The following GGT7 variants were observed in gnomAD, a reference collection of about 807,000 sequenced individuals.
GGT7 encodes glutathione hydrolase 7.
GGT7 carries 30 observed loss-of-function variants against 69.2 expected under a neutral mutation model. The observed-to-expected ratio is 0.43, with a 90% CI of 0.32 to 0.59. GGT7 has a LOEUF of 0.59. GGT7 is among the 20% of genes least tolerant of loss of function. The pLI is 0.05. For missense variants in GGT7, 733 were observed against 901.1 expected, an observed-to-expected ratio of 0.81 and a Z score of 2.39; for synonymous variants, 388 against 391.8, an observed-to-expected ratio of 0.99 and a Z score of 0.12.
chr20:34,851,164 G>A lies in GGT7; in HGVS notation c.1725+67C>T, dbSNP rs114477173. 1,060 of 1,574,546 alleles carry A rather than the reference G, an allele frequency of 6.7e-4. 11 individuals are homozygous for A. The African/African-American group carries it at 0.013, about 20-fold the overall frequency. The stretch of plus-strand genomic sequence containing the variant: ...ATGGAAACAAGCCACAGATATGACA[G>A]GCATCTGCAGTCTAGGCCACAGCTT... On this transcript the variant is annotated intron_variant, in intron 13 of 14. Coordinates refer to ENST00000336431, the MANE Select transcript of GGT7 (RefSeq NM_178026.3).
chr20:34,851,911 C>T (rs1255179532), intron 12 of GGT7, among the ~76,000 whole-genome samples: 1 of 152,134 alleles, frequency 6.6e-6, no homozygotes, highest in Admixed American at 6.5e-5. Context: ...AGAAATTGCC[C>T]AGAGAGGGCA....
intron 4 of GGT7, 32 bp downstream of exon 4, chr20:34,861,413 C>T (rs777121977): frequency 2.7e-6 from 3 of 1,129,756 alleles, no homozygotes; most frequent in Non-Finnish European, 3.9e-6. Context: ...GAGAGACTCC[C>T]CTGAACTCTC....
chr20:34,867,505 G>T (rs2079711445), intron 1 of GGT7, among the ~76,000 whole-genome samples: 1 of 151,984 alleles, frequency 6.6e-6, no homozygotes, highest in African/African-American at 2.4e-5. Flanking sequence ...TTGAGCCCAG[G>T]TATTCAAGAC....
At position 34,845,026 on chromosome 20, in the gene GGT7, T is replaced by C. The variant is rs1370457875; in HGVS notation, c.*302A>G. On this transcript the variant is annotated 3_prime_UTR_variant, in exon 15 of 15. Transcript: ENST00000336431. ...CACATCCCTAAGCTCGGGGCCAGCA[T>C]GGCTGAAGGAGGAGAGGTGACACAC... 3 of 387,876 alleles carry C rather than the reference T, an allele frequency of 7.7e-6. No homozygotes were observed. Among genetic ancestry groups the C allele is most frequent in the East Asian group, 9.5e-5 (2 of 20,952 alleles). 24.0% of individuals were successfully genotyped at this position (387,876 alleles called of 1,614,324 possible).
intron 10 of GGT7, among the ~76,000 whole-genome samples, chr20:34,853,793 C>G (rs747475566): frequency 2.0e-5 from 3 of 152,190 alleles, no homozygotes; most frequent in Non-Finnish European, 4.4e-5. Flanking sequence ...AGAGTTTAAA[C>G]CACTTGCCCA....
chr20:34,862,430 G>C (rs2079612584), intron 3 of GGT7, among the ~76,000 whole-genome samples: 1 of 149,242 alleles, frequency 6.7e-6, no homozygotes, highest in African/African-American at 2.6e-5. Flanking sequence ...TCTTAGTGCA[G>C]GGTGTATTTT....
intron 7 of GGT7, among the ~76,000 whole-genome samples, chr20:34,858,934 G>A (rs2079537165): frequency 1.3e-5 from 2 of 152,210 alleles, no homozygotes; most frequent in Non-Finnish European, 2.9e-5. Flanking sequence ...ACTTTGGGAG[G>A]CCAGGACAGG....
intron 10 of GGT7, among the ~76,000 whole-genome samples, chr20:34,852,910 A>T (rs2079421712): frequency 6.6e-6 from 1 of 152,064 alleles, no homozygotes; most frequent in Non-Finnish European, 1.5e-5. Context: ...CTAAAGTTTT[A>T]TTAAGAGTTT....
chr20:34,871,301 C>A (rs2079774376), intron 1 of GGT7, among the ~76,000 whole-genome samples: 1 of 152,144 alleles, frequency 6.6e-6, no homozygotes, highest in Non-Finnish European at 1.5e-5. Flanking sequence ...GAAACTAAGG[C>A]CCAGGACAGG....
chr20:34,855,980 A>G (rs2079485929), intron 8 of GGT7, among the ~76,000 whole-genome samples: 1 of 152,100 alleles, frequency 6.6e-6, no homozygotes, highest in African/African-American at 2.4e-5. Flanking sequence ...TTTTATAGAG[A>G]CGGTGTCTCA....
At chr20:34,856,747 G>C in intron 8 of GGT7, 59 bp downstream of exon 8, 1 of 930,910 alleles carries the variant, frequency 1.1e-6, no homozygotes, top group Non-Finnish European at 1.7e-6. Flanking sequence ...AAAACGATGT[G>C]GCCATGGACT....
chr20:34,868,055 GCTTCA>G (rs1684332966), intron 1 of GGT7, among the ~76,000 whole-genome samples: 1 of 152,182 alleles, frequency 6.6e-6, no homozygotes, highest in Non-Finnish European at 1.5e-5. Context: ...TAGAGATGGG[GCTTCA>G]CCATGTTGGC....
At position 34,863,862 on chromosome 20, in the gene GGT7, G is replaced by C. The variant is rs1410576751; in HGVS notation, c.170-314C>G. 1 of 549,122 alleles carries C rather than the reference G, an allele frequency of 1.8e-6. No homozygotes were observed. The highest frequency in any genetic ancestry group is 3.5e-6 in the Non-Finnish European group (1 of 289,056). The allele number at this position is 549,122 out of a possible 1,614,324, so 34.0% of individuals were successfully genotyped here. A position where few individuals can be genotyped will look rare whatever the true frequency, so the allele number is the denominator to read the frequency against. On this transcript the variant is annotated intron_variant, in intron 1 of 14. Transcript: ENST00000336431. This position sits in a 1 kb window ranked among gnomAD's most constrained non-coding sequence, Gnocchi z 4.4. Reference sequence around the variant, plus strand: ...AACACTTCCTGGGGGGTGGGGTGGGGGTTCCAGCCCTCAGTGGAAATCGGA... The same window carrying C: ...AACACTTCCTGGGGGGTGGGGTGGGCGTTCCAGCCCTCAGTGGAAATCGGA...
chr20:34,870,950 C>A (rs1330450976), intron 1 of GGT7, among the ~76,000 whole-genome samples: 1 of 150,792 alleles, frequency 6.6e-6, no homozygotes, highest in Non-Finnish European at 1.5e-5. Flanking sequence ...CACCACCATG[C>A]CCAGCTAATT....
chr20:34,862,998 G>A, intron 2 of GGT7, 33 bp from the exon 3 acceptor site: 1 of 1,595,770 alleles, frequency 6.3e-7, no homozygotes, highest in Non-Finnish European at 8.5e-7. Context: ...GTGGGGGCAG[G>A]AGGAGCTGTC....
chr20:34,856,063 G>A (rs6087639), intron 8 of GGT7, among the ~76,000 whole-genome samples: 50,528 of 152,034 alleles, frequency 0.33, 8,864 homozygotes, highest in Middle Eastern at 0.4. Flanking sequence ...AATGTGCTGG[G>A]GTTATAGGCC....
intron 1 of GGT7, among the ~76,000 whole-genome samples, chr20:34,865,040 T>C (rs1413552618): frequency 6.6e-6 from 1 of 152,174 alleles, no homozygotes; most frequent in Non-Finnish European, 1.5e-5. Context: ...CAGGCTGGTC[T>C]CGAACTCCTG....
chr20:34,856,726 G>T, intron 8 of GGT7, 80 bp downstream of exon 8: 1 of 793,290 alleles, frequency 1.3e-6, no homozygotes, highest in South Asian at 1.4e-5. Context: ...ATGGAGAGGA[G>T]TCTCTAGGCC....
intron 7 of GGT7, among the ~76,000 whole-genome samples, chr20:34,857,963 A>G (rs1289149577): frequency 6.6e-6 from 1 of 152,134 alleles, no homozygotes; most frequent in Admixed American, 6.6e-5. Flanking sequence ...AATAAACTCA[A>G]CTTTGGGTTT....
Sources: allele counts gnomAD v4.1 joint callset (sites outside exome capture counted in the v4.1 genomes callset), GRCh38; gene constraint gnomAD v4.1.1; non-coding constraint Gnocchi (gnomAD v3.1); transcripts MANE v1.5; gene names NCBI Gene and HGNC (gene_info 2026-07-23, HGNC 2026-07-21).